Variants in SLC22A4 observed in about 807,000 individuals in gnomAD.
SLC22A4 encodes the protein solute carrier family 22 member 4.
Under a neutral mutation model 56.6 loss-of-function variants are expected in SLC22A4, and 39 were observed. The ratio of observed to expected loss-of-function variants is 0.69; its 90% CI spans 0.53 to 0.90. The LOEUF (loss-of-function observed/expected upper bound fraction) is 0.90, where lower values mean the gene tolerates loss of function less well. Among genes scored for constraint, SLC22A4 ranks in the 40% least tolerant of loss-of-function variants. The pLI, the probability that SLC22A4 is intolerant of heterozygous loss-of-function variation, is 0.00. For missense variants in SLC22A4, 594 were observed against 696.5 expected (o/e 0.85, Z 1.66); for synonymous variants, 241 against 281.4 (o/e 0.86, Z 1.44).
At chr5:132,300,561 TATATC>T (rs961065084) in intron 1 of SLC22A4, among the ~76,000 whole-genome samples, 5 of 152,250 alleles carry the variant, frequency 3.3e-5, no homozygotes, top group African/African-American at 1.2e-4. Context: ...ATTGTTAACT[TATATC>T]AGTACAGGTT....
chr5:132,314,176 A>G (rs961734207), intron 3 of SLC22A4, among the ~76,000 whole-genome samples: 2 of 152,182 alleles, frequency 1.3e-5, no homozygotes, highest in Non-Finnish European at 2.9e-5. Context: ...CACTGTGGCC[A>G]GTACACAGGT....
intron 6 of SLC22A4, among the ~76,000 whole-genome samples, chr5:132,332,630 C>T (rs528251122): frequency 6.6e-6 from 1 of 152,084 alleles, no homozygotes; most frequent in South Asian, 2.1e-4. Flanking sequence ...TAACAAGTGG[C>T]TTTCAGGCGC....
At chr5:132,315,858 A>T (rs978320886) in intron 3 of SLC22A4, among the ~76,000 whole-genome samples, 3 of 151,744 alleles carry the variant, frequency 2.0e-5, no homozygotes, top group African/African-American at 7.3e-5. Flanking sequence ...CTGGTATGAG[A>T]CTCGTTGTGT....
At chr5:132,297,304 C>T (rs1462814942) in intron 1 of SLC22A4, among the ~76,000 whole-genome samples, 1 of 152,020 alleles carries the variant, frequency 6.6e-6, no homozygotes, top group African/African-American at 2.4e-5. Flanking sequence ...GGTGACAGAG[C>T]CAGACTGTGT....
At chr5:132,299,749 T>G (rs1441532749) in intron 1 of SLC22A4, among the ~76,000 whole-genome samples, 1 of 152,226 alleles carries the variant, frequency 6.6e-6, no homozygotes, top group Non-Finnish European at 1.5e-5. Flanking sequence ...CCACCGCGCC[T>G]GGCGATTATT....
intron 5 of SLC22A4, among the ~76,000 whole-genome samples, chr5:132,328,860 C>T (rs1395153558): frequency 6.6e-6 from 1 of 150,868 alleles, no homozygotes; most frequent in East Asian, 1.9e-4. Flanking sequence ...CACACACACA[C>T]ACACACACGC....
At chr5:132,337,433 C>T (rs577044366) in intron 8 of SLC22A4, among the ~76,000 whole-genome samples, 12 of 151,680 alleles carry the variant, frequency 7.9e-5, no homozygotes, top group Middle Eastern at 3.4e-3. Context: ...CACCGTCAAG[C>T]CCAGCTAATT....
At chr5:132,335,459 A>T (rs2126738446) in intron 7 of SLC22A4, among the ~76,000 whole-genome samples, 2 of 152,356 alleles carry the variant, frequency 1.3e-5, no homozygotes, top group South Asian at 4.1e-4. Flanking sequence ...TTTCTTAATA[A>T]TAAGAAAGAG....
intron 1 of SLC22A4, among the ~76,000 whole-genome samples, chr5:132,309,703 G>A (rs77955038): frequency 6.5e-4 from 99 of 152,384 alleles, no homozygotes; most frequent in Non-Finnish European, 1.2e-3. Flanking sequence ...TGCCATTGCT[G>A]TATTGAAATT....
At chr5:132,330,546 C>T (rs535373510) in intron 5 of SLC22A4, among the ~76,000 whole-genome samples, 19 of 151,974 alleles carry the variant, frequency 1.3e-4, no homozygotes, top group Admixed American at 5.2e-4. Context: ...GCCAATATGG[C>T]GAAACCCCAT....
At chr5:132,340,727 A>G in intron 9 of SLC22A4, 27 bp downstream of exon 9, 1 of 1,607,186 alleles carries the variant, frequency 6.2e-7, no homozygotes, top group Non-Finnish European at 8.5e-7. Flanking sequence ...ACAAAATGAT[A>G]CCAAAATGCC....
At chr5:132,330,836 A>G (rs915498581) in intron 5 of SLC22A4, among the ~76,000 whole-genome samples, 1 of 152,178 alleles carries the variant, frequency 6.6e-6, no homozygotes, top group African/African-American at 2.4e-5. Flanking sequence ...TTCCTCAATG[A>G]TACAGTAATA....
Position 132,317,565 on chromosome 5 carries a change from G to A in SLC22A4, c.652+3797G>A, listed in dbSNP as rs151125400. 4.0e-3 allele frequency among the ~76,000 whole-genome samples: 609 copies of A among 152,248 alleles called. 2 individuals are homozygous for A. The highest frequency in any genetic ancestry group is 0.012 in the African/African-American group (483 of 41,532). ...CCATTCATCAGTCATTGAACACCTG[G>A]GTGTTTCTACTTTGGGGCTGTTATG... is the stretch of plus-strand genomic sequence containing the variant. On this transcript the variant is annotated intron_variant, in intron 3 of 9. Coordinates refer to ENST00000200652, the MANE Select transcript of SLC22A4 (RefSeq NM_003059.3).
chr5:132,338,363 G>A (rs1055214135), intron 8 of SLC22A4, among the ~76,000 whole-genome samples: 16 of 152,224 alleles, frequency 1.1e-4, no homozygotes, highest in Admixed American at 6.5e-4. Context: ...GAGGCAGGGT[G>A]AGATCACAGG....
At chr5:132,331,472 C>A (rs1011845327) in intron 5 of SLC22A4, among the ~76,000 whole-genome samples, 1 of 152,128 alleles carries the variant, frequency 6.6e-6, no homozygotes, top group Admixed American at 6.5e-5. Context: ...CTCTGACTGT[C>A]AGTCAGAGAA....
intron 5 of SLC22A4, 148 bp from the exon 6 acceptor site, chr5:132,331,608 A>G: frequency 1.4e-6 from 1 of 723,654 alleles, no homozygotes; most frequent in Admixed American, 1.9e-5. Flanking sequence ...ATATATGTAG[A>G]TGCCCTATTG....
chr5:132,327,171 C>A, intron 4 of SLC22A4, 106 bp from the exon 5 acceptor site: 3 of 925,256 alleles, frequency 3.2e-6, no homozygotes, highest in African/African-American at 1.7e-5. Context: ...TTTAAAAAGA[C>A]AAACTAGAAT....
intron 1 of SLC22A4, among the ~76,000 whole-genome samples, chr5:132,298,268 A>G (rs181391889): frequency 6.6e-6 from 1 of 152,374 alleles, no homozygotes; most frequent in East Asian, 1.9e-4. Flanking sequence ...GATAAACATA[A>G]TGTGGTATAT....
intron 5 of SLC22A4, 109 bp downstream of exon 5, chr5:132,327,512 A>C: frequency 1.1e-6 from 1 of 894,858 alleles, no homozygotes; most frequent in Non-Finnish European, 1.9e-6. Flanking sequence ...CAGGCATTGC[A>C]CTAGGCCTTA....
Sources: allele counts gnomAD v4.1 joint callset (sites outside exome capture counted in the v4.1 genomes callset), GRCh38; gene constraint gnomAD v4.1.1; transcripts MANE v1.5; gene names NCBI Gene and HGNC (gene_info 2026-07-23, HGNC 2026-07-21).